Variants in B3GNT3 observed in about 807,000 individuals in gnomAD.
B3GNT3 encodes UDP-GlcNAc:betaGal beta-1,3-N-acetylglucosaminyltransferase 3.
In B3GNT3, 7 loss-of-function variants were observed where a neutral mutation model predicts 11.6. The ratio of observed to expected loss-of-function variants is 0.60; its 90% confidence interval spans 0.34 to 1.13. The LOEUF (loss-of-function observed/expected upper bound fraction) is 1.13. B3GNT3 is among the 50% of genes most tolerant of loss of function. The pLI, the probability that B3GNT3 is intolerant of heterozygous loss-of-function variation, is 0.03. For missense variants in B3GNT3, 400 were observed against 507.4 expected (o/e 0.79, Z 2.03); for synonymous variants, 201 against 222.1 (o/e 0.90, Z 0.85).
chr19:17,804,764 G>A lies in B3GNT3; in HGVS notation c.-50-2994G>A, dbSNP rs147354922. Among the ~76,000 whole-genome samples the A allele has an allele frequency of 2.6e-3, 398 of 151,516 alleles. 6 individuals carry two copies. In the East Asian group the frequency reaches 0.057, roughly 22 times the overall value. ...TAGAGACGGGGGTTTCACCATGTTG[G>A]CCAGGCTGGTCTCGAACTCCTGACC... On this transcript the variant is annotated intron_variant, in intron 1 of 2. Transcript: ENST00000318683.
chr19:17,795,921 C>G (rs529835887), intron 1 of B3GNT3, among the ~76,000 whole-genome samples: 24 of 152,050 alleles, frequency 1.6e-4, no homozygotes, highest in African/African-American at 5.1e-4. Flanking sequence ...GGGACCTTGG[C>G]GAGGATGAGT....
At chr19:17,808,504 T>A in intron 2 of B3GNT3, 130 bp downstream of exon 2, 1 of 1,000,024 alleles carries the variant, frequency 1.0e-6, no homozygotes, top group Non-Finnish European at 1.4e-6. Flanking sequence ...CCCTCTGCTG[T>A]CCTCACCAGC....
intron 1 of B3GNT3, among the ~76,000 whole-genome samples, chr19:17,799,994 G>A (rs1273104601): frequency 1.3e-5 from 2 of 152,162 alleles, no homozygotes; most frequent in Non-Finnish European, 2.9e-5. Flanking sequence ...AGTCTTGGGA[G>A]TGAGGGGGGC....
At chr19:17,804,927 C>T (rs570700644) in intron 1 of B3GNT3, among the ~76,000 whole-genome samples, 1 of 151,750 alleles carries the variant, frequency 6.6e-6, no homozygotes, top group Non-Finnish European at 1.5e-5. Context: ...GGCCACCAAA[C>T]TCTTCCACCT....
At chr19:17,795,032 G>C (rs1229542832), upstream of B3GNT3, 3 of 152,736 alleles carry the variant, frequency 2.0e-5, no homozygotes, top group African/African-American at 7.2e-5. Flanking sequence ...CAGCCGAGCT[G>C]GGAAGAGGGG....
chr19:17,803,639 A>G (rs982645851), intron 1 of B3GNT3, among the ~76,000 whole-genome samples: 4 of 152,042 alleles, frequency 2.6e-5, no homozygotes, highest in Non-Finnish European at 5.9e-5. Flanking sequence ...TTTTTCACCC[A>G]CCTTGAACAG....
intron 1 of B3GNT3, among the ~76,000 whole-genome samples, chr19:17,805,356 C>T (rs1416163084): frequency 6.6e-6 from 1 of 152,122 alleles, no homozygotes; most frequent in Non-Finnish European, 1.5e-5. Flanking sequence ...ACCTCAGCCT[C>T]CCAGAGTGCT....
At chr19:17,799,564 G>T (rs1037796108) in intron 1 of B3GNT3, among the ~76,000 whole-genome samples, 3 of 151,822 alleles carry the variant, frequency 2.0e-5, no homozygotes, top group Non-Finnish European at 4.4e-5. Context: ...CACCGAGCCC[G>T]GCTGACCATC....
intron 2 of B3GNT3, among the ~76,000 whole-genome samples, chr19:17,809,328 C>G (rs1341744371): frequency 2.0e-5 from 3 of 151,956 alleles, no homozygotes; most frequent in African/African-American, 7.3e-5. Context: ...AATCCCAGCA[C>G]TTTGGGAAGC....
At chr19:17,796,751 G>A (rs1210537459) in intron 1 of B3GNT3, among the ~76,000 whole-genome samples, 2 of 152,170 alleles carry the variant, frequency 1.3e-5, no homozygotes, top group African/African-American at 4.8e-5. Context: ...AGAACCAAAA[G>A]GGGGCCTTGG....
Position 17,812,201 on chromosome 19 carries a change from C to T in B3GNT3, c.*79C>T. On this transcript the variant is annotated 3_prime_UTR_variant, in exon 3 of 3. Transcript: ENST00000318683. ...CACCTTCCTCCCAGGAAGCTGAGAC[C>T]TTTGTGGTCTGAGCATAAGGGAGTG... 1 of 1,441,478 alleles carries T rather than the reference C, an allele frequency of 6.9e-7. No homozygotes were observed. Among genetic ancestry groups the T allele is most frequent in the Non-Finnish European group, 9.2e-7 (1 of 1,089,794 alleles). The allele number at this position is 1,441,478 out of a possible 1,614,324, so 89.3% of individuals were successfully genotyped here.
chr19:17,807,960 T>TCCCCGCCCC lies in B3GNT3; in HGVS notation c.155_156insCCGCCCCCC (p.Pro52_Pro53insArgProPro). 1 of 1,609,550 alleles carries TCCCCGCCCC rather than the reference T, an allele frequency of 6.2e-7. No homozygotes were observed. The highest frequency in any genetic ancestry group is 8.5e-7 in the Non-Finnish European group (1 of 1,178,132). ...TCCCCGAGGCCCTGGCCTGGCCCAC[T>TCCCCGCCCC]CCACCCACCCGCCCAGCCCCGGCCC... is the stretch of plus-strand genomic sequence containing the variant. On this transcript the variant is annotated inframe_insertion, in exon 2 of 3. Coordinates refer to ENST00000318683, the MANE Select transcript of B3GNT3 (RefSeq NM_014256.4).
chr19:17,810,985 G>T (rs996998109), intron 2 of B3GNT3, among the ~76,000 whole-genome samples: 2 of 151,886 alleles, frequency 1.3e-5, no homozygotes, highest in African/African-American at 4.8e-5. Context: ...GAGGTGGGAG[G>T]ATCCTTTGAG....
At chr19:17,798,410 C>G (rs2094161947) in intron 1 of B3GNT3, among the ~76,000 whole-genome samples, 1 of 152,078 alleles carries the variant, frequency 6.6e-6, no homozygotes, top group Non-Finnish European at 1.5e-5. Context: ...GTGGCTAACA[C>G]CTGTATTTCC....
At chr19:17,809,466 G>A (rs942647343) in intron 2 of B3GNT3, among the ~76,000 whole-genome samples, 4 of 144,864 alleles carry the variant, frequency 2.8e-5, no homozygotes, top group Non-Finnish European at 4.5e-5. Context: ...TTTTTTTTTT[G>A]GATGGAGTCT....
At chr19:17,805,251 C>T (rs1399218926) in intron 1 of B3GNT3, among the ~76,000 whole-genome samples, 3 of 151,654 alleles carry the variant, frequency 2.0e-5, no homozygotes, top group Non-Finnish European at 4.4e-5. Flanking sequence ...AAGTATGCAT[C>T]ATCACGCCGG....
In B3GNT3 at chr19:17,812,961, G is replaced by T. The variant is rs868045548; in HGVS notation, c.*839G>T. On this transcript the variant is annotated 3_prime_UTR_variant, in exon 3 of 3. Coordinates refer to ENST00000318683, the MANE Select transcript of B3GNT3 (RefSeq NM_014256.4). ...CAGTATGTTTTACAGATTACGGGGG[G>T]ACCGGGTGAGCCAGTGACCCCCTGT... The T allele has an allele frequency of 6.6e-6, 1 of 152,176 alleles. No individual in the cohort carries two copies. Among genetic ancestry groups the T allele is most frequent in the Admixed American group, 6.6e-5 (1 of 15,240 alleles). The allele number at this position is 152,176 out of a possible 1,614,324, so 9.4% of individuals were successfully genotyped here.
chr19:17,813,307 G>A lies in B3GNT3; in HGVS notation c.*1185G>A, dbSNP rs1009549857. ...GCACAAAATAAAAAATTACTCAGGC[G>A]TGGTGGTGCTCACATGCCTGTAGTC... On this transcript the variant is annotated 3_prime_UTR_variant, in exon 3 of 3. Transcript: ENST00000318683. 1.3e-5 allele frequency among the ~76,000 whole-genome samples: 2 copies of A among 151,814 alleles called. No individual in the cohort carries two copies. The highest frequency in any genetic ancestry group is 2.4e-5 in the African/African-American group (1 of 41,304).
intron 1 of B3GNT3, among the ~76,000 whole-genome samples, chr19:17,796,352 G>A (rs1599841990): frequency 6.6e-6 from 1 of 152,208 alleles, no homozygotes; most frequent in African/African-American, 2.4e-5. Context: ...CTTGGCATCT[G>A]AAAGTGCTGG....
Sources: gnomAD v4.1 joint callset for allele counts (sites outside exome capture counted in the v4.1 genomes callset) on GRCh38, gnomAD v4.1.1 for gene constraint, MANE v1.5 for transcripts, NCBI Gene and HGNC (gene_info 2026-07-23, HGNC 2026-07-21) for gene names.